The following POT1 variants were observed in gnomAD, a reference collection of about 807,000 sequenced individuals.
POT1 encodes protection of telomeres protein 1.
Under a neutral mutation model 78.5 loss-of-function variants are expected in POT1, and 47 were observed. The ratio of observed to expected loss-of-function variants is 0.60; its 90% CI spans 0.47 to 0.76. The LOEUF (loss-of-function observed/expected upper bound fraction) is 0.76. Ranked by LOEUF, POT1 falls within the 30% of genes least tolerant of loss-of-function variation. The probability of loss-of-function intolerance (pLI) is 0.00; values close to 1 mark genes in which losing one functional copy is unlikely to be tolerated. For missense variants in POT1, 646 were observed against 749.9 expected (o/e 0.86, Z 1.62); for synonymous variants, 259 against 260.7 (o/e 0.99, Z 0.06).
intron 3 of POT1, among the ~76,000 whole-genome samples, chr7:124,904,612 T>A (rs1481245184): frequency 1.3e-5 from 2 of 151,620 alleles, no homozygotes; most frequent in Admixed American, 6.6e-5. Flanking sequence ...CTCTCACCAC[T>A]CCCAGTCAAC....
At position 124,846,970 on chromosome 7, in the gene POT1, T is replaced by C. The variant is rs143616208; in HGVS notation, c.978A>G (p.Val326=). The C allele has an allele frequency of 1.9e-6, 3 of 1,605,772 alleles. No individual in the cohort carries two copies. In the African/African-American group the frequency reaches 4.0e-5, roughly 21 times the overall value. Residue 326 remains valine (V), a synonymous_variant, in exon 12 of 19, where the codon GTA becomes GTG. Transcript: ENST00000357628. ...PSSGSVSLYE[V]ERCQQLSATI... is the part of the protein sequence containing the mutation. ...TAGCAGATAGCTGTTGACATCTTTC[T>C]ACCTCGTATAATGATACTGATCCAG...
intron 3 of POT1, among the ~76,000 whole-genome samples, chr7:124,906,319 A>G (rs1038348842): frequency 1.3e-5 from 2 of 152,070 alleles, no homozygotes. Flanking sequence ...GTAAAAAATG[A>G]TAAGTTCATG....
chr7:124,888,989 G>T (rs1796307978), intron 6 of POT1, among the ~76,000 whole-genome samples: 1 of 151,952 alleles, frequency 6.6e-6, no homozygotes, highest in Non-Finnish European at 1.5e-5. Context: ...GTGTTCAAGT[G>T]AGAGAGTCAC....
chr7:124,825,324 G>C lies in POT1; in HGVS notation c.1720C>G (p.Leu574Val). 1.2e-6 allele frequency: 2 copies of C among 1,609,802 alleles called. No homozygotes were observed. Among genetic ancestry groups the C allele is most frequent in the Non-Finnish European group, 1.7e-6 (2 of 1,178,024 alleles). Reference protein sequence around the residue: ...KFFQIPASEVLMDDDLQKSVD... With the variant: ...KFFQIPASEVVMDDDLQKSVD... Reference sequence around the variant, plus strand: ...CTTTTCTGAAGGTCATCATCCATCAGAACTTCTGATGCTGGAATCTGGAAG... The same window carrying C: ...CTTTTCTGAAGGTCATCATCCATCACAACTTCTGATGCTGGAATCTGGAAG... Residue 574 changes from leucine (L) to valine (V), a missense_variant, in exon 18 of 19, where the codon CTG (leucine) becomes GTG (valine). Physicochemically the swap from Leu to Val is conservative, Grantham distance 32 (BLOSUM62 1). Transcript: ENST00000357628.
At chr7:124,862,032 T>C (rs2116536932) in intron 8 of POT1, among the ~76,000 whole-genome samples, 1 of 152,302 alleles carries the variant, frequency 6.6e-6, no homozygotes, top group Admixed American at 6.5e-5. Flanking sequence ...TGAAGTCAGG[T>C]AGCATGATGC....
chr7:124,897,437 T>C (rs1053948311), intron 4 of POT1, among the ~76,000 whole-genome samples: 11 of 151,888 alleles, frequency 7.2e-5, no homozygotes, highest in African/African-American at 2.4e-4. Flanking sequence ...AAATGTACTT[T>C]ATTAAAATAT....
Position 124,892,339 on chromosome 7 carries a change from A to C in POT1, c.51T>G (p.Leu17=). 2 of 1,530,600 alleles carry C rather than the reference A, an allele frequency of 1.3e-6. No homozygotes were observed. The highest frequency in any genetic ancestry group is 1.7e-6 in the Non-Finnish European group (2 of 1,146,050). 94.8% of individuals were successfully genotyped at this position (1,530,600 alleles called of 1,614,324 possible). Residue 17 remains leucine (L), a synonymous_variant, in exon 6 of 19, where the codon CTT becomes CTG. Transcript: ENST00000357628. The part of the protein sequence containing the change: ...TNYIYTPLNQ[L]KGGTIVNVYG... ...AGACATTGACAATTGTACCACCCTT[A>C]AGTTGATTCAGGGGTGTATATATAT... is the stretch of plus-strand genomic sequence containing the variant.
chr7:124,857,741 G>C (rs1795481270), intron 9 of POT1, among the ~76,000 whole-genome samples: 1 of 152,116 alleles, frequency 6.6e-6, no homozygotes, highest in Non-Finnish European at 1.5e-5. Context: ...GAAATCCCCT[G>C]AATTTACCAT....
intron 3 of POT1, among the ~76,000 whole-genome samples, chr7:124,905,463 C>T (rs567885501): frequency 1.3e-5 from 2 of 152,078 alleles, no homozygotes; most frequent in South Asian, 4.2e-4. Flanking sequence ...TTCCTTACAC[C>T]TTATACAAAA....
At chr7:124,868,509 TAAGA>T (rs1372304411) in intron 7 of POT1, among the ~76,000 whole-genome samples, 3 of 151,940 alleles carry the variant, frequency 2.0e-5, no homozygotes, top group Middle Eastern at 3.4e-3. Flanking sequence ...ATAAAATAGA[TAAGA>T]AATAAAAAAT....
At position 124,846,948 on chromosome 7, in the gene POT1, C is replaced by G; in HGVS notation, c.1000G>C (p.Ala334Pro). 1 of 1,596,688 alleles carries G rather than the reference C, an allele frequency of 6.3e-7. No homozygotes were observed. The highest frequency in any genetic ancestry group is 8.6e-7 in the Non-Finnish European group (1 of 1,164,508). The change falls in exon 12 of 19, where the codon GCT (alanine) becomes CCT (proline). Residue 334 changes from alanine (A) to proline (P), a missense_variant. This residue lies in a region of POT1 where 394 missense variants were observed against 408.4 expected (regional missense o/e 0.96). Transcript: ENST00000357628. ...AAATGATACATAGTCTTACTTGTAG[C>G]AGATAGCTGTTGACATCTTTCTACC... ...YEVERCQQLS[A>P]TILTDHQYLE... is the part of the protein sequence containing the mutation.
rs1304104982 is a variant in POT1, at chr7:124,842,973, A to AT, written c.1007-11dup. On this transcript the variant is annotated splice_polypyrimidine_tract_variant and intron_variant, in intron 12 of 18. Coordinates refer to ENST00000357628, the MANE Select transcript of POT1 (RefSeq NM_015450.3). ...TGATGATCTGTAAGTACTGTAAAGA[A>AT]TTTTTATATTCAATCAGAATAACAA... 2 of 1,524,530 alleles carry AT rather than the reference A, an allele frequency of 1.3e-6. No homozygotes were observed. The highest frequency in any genetic ancestry group is 1.4e-5 in the African/African-American group (1 of 71,012). The allele number at this position is 1,524,530 out of a possible 1,614,324, so 94.4% of individuals were successfully genotyped here.
chr7:124,872,968 T>C (rs888895563), intron 6 of POT1, among the ~76,000 whole-genome samples: 25 of 152,200 alleles, frequency 1.6e-4, no homozygotes, highest in African/African-American at 9.6e-5. Flanking sequence ...CTGTCTGCCA[T>C]TTGTATGTCA....
chr7:124,903,676 G>C (rs1235761936), intron 3 of POT1, among the ~76,000 whole-genome samples: 1 of 152,116 alleles, frequency 6.6e-6, no homozygotes, highest in African/African-American at 2.4e-5. Flanking sequence ...ACTAAGATCA[G>C]AGCAGAACTG....
At chr7:124,901,019 C>T (rs1351551188) in intron 3 of POT1, among the ~76,000 whole-genome samples, 1 of 152,116 alleles carries the variant, frequency 6.6e-6, no homozygotes, top group African/African-American at 2.4e-5. Context: ...CTGGGTGGAG[C>T]CCACTGCAGC....
rs950982786 is a variant in POT1, at chr7:124,865,206, A to AT, written c.256-1567dup. Among the ~76,000 whole-genome samples, 6 of 152,038 alleles carry AT rather than the reference A, an allele frequency of 3.9e-5. No homozygotes were observed. The East Asian group carries it at 1.2e-3, about 29-fold the overall frequency. On this transcript the variant is annotated intron_variant, in intron 7 of 18. Coordinates refer to ENST00000357628, the MANE Select transcript of POT1 (RefSeq NM_015450.3). ...TATCATTGTTCTCCAACAATGCATCATTTTTTTCTCCAGTTGATTTCAAGA... is the reference window on the plus strand; with the variant it reads ...TATCATTGTTCTCCAACAATGCATCATTTTTTTTCTCCAGTTGATTTCAAGA...
At chr7:124,909,840 C>T (rs1796850400) in intron 3 of POT1, among the ~76,000 whole-genome samples, 1 of 151,772 alleles carries the variant, frequency 6.6e-6, no homozygotes, top group East Asian at 1.9e-4. Flanking sequence ...TATACTGTTT[C>T]TCAAATAAAC....
At chr7:124,851,701 G>C (rs1455226519) in intron 11 of POT1, 171 bp downstream of exon 11, 2 of 601,058 alleles carry the variant, frequency 3.3e-6, no homozygotes, top group Non-Finnish European at 5.9e-6. Flanking sequence ...AATTTAGGAA[G>C]AAACCATGTT....
chr7:124,877,840 CAAAAAAAA>C (rs201285982), intron 6 of POT1, among the ~76,000 whole-genome samples: 20 of 80,568 alleles, frequency 2.5e-4, no homozygotes, highest in Middle Eastern at 7.6e-3. Context: ...GATTCTGTCT[CAAAAAAAA>C]AAAAAAAAAA....
Sources: gnomAD v4.1 joint callset for allele counts (sites outside exome capture counted in the v4.1 genomes callset) on GRCh38, gnomAD v4.1.1 for gene constraint, gnomAD v4.1.1 regional missense constraint, MANE v1.5 for transcripts, NCBI Gene and HGNC (gene_info 2026-07-23, HGNC 2026-07-21) for gene names.